ADGRL3: variants seen among roughly 807,000 people sequenced by gnomAD.
ADGRL3 encodes the protein calcium-independent alpha-latrotoxin receptor 3.
ADGRL3 carries 62 observed loss-of-function variants against 153.5 expected under a neutral mutation model. That is an observed-to-expected ratio of 0.40 (90% CI 0.33 to 0.50). The LOEUF (loss-of-function observed/expected upper bound fraction) is 0.50, where lower values mean the gene tolerates loss of function less well. Ranked by LOEUF, ADGRL3 falls within the 20% of genes least tolerant of loss-of-function variation. The probability of loss-of-function intolerance (pLI) is 0.47; values close to 1 mark genes in which losing one functional copy is unlikely to be tolerated. For synonymous variants in ADGRL3, 710 were observed against 672.5 expected (o/e 1.06, Z -0.86); for missense variants, 1,641 against 1,859.4 (o/e 0.88, Z 2.16).
intron 5 of ADGRL3, among the ~76,000 whole-genome samples, chr4:61,605,623 T>C (rs1477859887): frequency 6.6e-6 from 1 of 152,224 alleles, no homozygotes; most frequent in Non-Finnish European, 1.5e-5. Context: ...TAGTTCAAGA[T>C]CATTGATTTC....
chr4:61,819,405 T>C (rs1017615681), intron 9 of ADGRL3, among the ~76,000 whole-genome samples: 3 of 152,098 alleles, frequency 2.0e-5, no homozygotes, highest in Non-Finnish European at 2.9e-5. Flanking sequence ...TCTACTGTAA[T>C]TTCATACGTA....
intron 9 of ADGRL3, among the ~76,000 whole-genome samples, chr4:61,858,131 G>A (rs1016574943): frequency 2.6e-5 from 4 of 152,100 alleles, no homozygotes; most frequent in Non-Finnish European, 5.9e-5. Flanking sequence ...AGGATACAAA[G>A]GTAACATAAC....
Position 61,861,019 on chromosome 4 carries a change from A to G in ADGRL3, c.1481-31637A>G, listed in dbSNP as rs568807541. On this transcript the variant is annotated intron_variant, in intron 9 of 26. Coordinates refer to ENST00000683033, the MANE Select transcript of ADGRL3 (RefSeq NM_001387552.1). Reference sequence around the variant, plus strand: ...TTTGTGTCAAACTGAAGATTTCTACATAGTAAATATTGAAATCTATTTCCA... The same window carrying G: ...TTTGTGTCAAACTGAAGATTTCTACGTAGTAAATATTGAAATCTATTTCCA... Among the ~76,000 whole-genome samples, 21 of 152,342 alleles carry G rather than the reference A, an allele frequency of 1.4e-4. 1 individual carries two copies. The South Asian group carries it at 2.9e-3, about 21-fold the overall frequency.
At chr4:61,300,454 A>T (rs1022934377) in intron 1 of ADGRL3, among the ~76,000 whole-genome samples, 3 of 152,222 alleles carry the variant, frequency 2.0e-5, no homozygotes, top group Non-Finnish European at 4.4e-5. Context: ...AATATCCTTT[A>T]GATTGCTCTG....
chr4:61,719,911 A>C (rs1264208897), intron 6 of ADGRL3, among the ~76,000 whole-genome samples: 1 of 151,938 alleles, frequency 6.6e-6, no homozygotes, highest in Non-Finnish European at 1.5e-5. Context: ...CCCCTGTCAG[A>C]CATTACTGAC....
intron 25 of ADGRL3, among the ~76,000 whole-genome samples, chr4:62,045,113 G>A (rs568228800): frequency 2.0e-4 from 31 of 152,052 alleles, no homozygotes; most frequent in Non-Finnish European, 3.7e-4. Context: ...CTCCCTGGGT[G>A]GCATTTAGAT....
chr4:61,509,359 C>T (rs1357685724), intron 3 of ADGRL3, among the ~76,000 whole-genome samples: 1 of 152,014 alleles, frequency 6.6e-6, no homozygotes, highest in Non-Finnish European at 1.5e-5. Flanking sequence ...AACTCCTGAC[C>T]TCGGGTGATC....
chr4:61,231,098 GT>G, intron 1 of ADGRL3, among the ~76,000 whole-genome samples: 1 of 152,320 alleles, frequency 6.6e-6, no homozygotes, highest in South Asian at 2.1e-4. Context: ...CGGAAGTCCA[GT>G]TTTTTGGGAG....
intron 2 of ADGRL3, among the ~76,000 whole-genome samples, chr4:61,415,073 AT>A (rs1050862934): frequency 2.0e-5 from 3 of 151,904 alleles, no homozygotes; most frequent in African/African-American, 7.2e-5. Flanking sequence ...ACATTAGAAA[AT>A]AACTTTAGGT....
At chr4:61,901,052 G>A (rs994450497) in intron 11 of ADGRL3, among the ~76,000 whole-genome samples, 18 of 152,158 alleles carry the variant, frequency 1.2e-4, no homozygotes, top group Admixed American at 3.9e-4. Flanking sequence ...AATTTCACCC[G>A]TCTTTTTTCA....
intron 1 of ADGRL3, among the ~76,000 whole-genome samples, chr4:61,245,048 G>GT (rs1756499165): frequency 1.3e-5 from 2 of 152,142 alleles, no homozygotes; most frequent in African/African-American, 4.8e-5. Context: ...AAACTGGTGA[G>GT]TGGGTTGGGC....
At chr4:61,476,427 C>A (rs2098054334) in intron 2 of ADGRL3, among the ~76,000 whole-genome samples, 1 of 151,878 alleles carries the variant, frequency 6.6e-6, no homozygotes, top group Admixed American at 6.6e-5. Context: ...GGGTTTTGGC[C>A]AGGCGCTGTG....
chr4:61,659,521 A>C (rs759335713), intron 5 of ADGRL3, among the ~76,000 whole-genome samples: 1 of 152,162 alleles, frequency 6.6e-6, no homozygotes, highest in Non-Finnish European at 1.5e-5. Context: ...TTTGCTATTT[A>C]AAAAACAGGT....
chr4:61,245,868 T>C (rs1307593071), intron 1 of ADGRL3, among the ~76,000 whole-genome samples: 1 of 141,338 alleles, frequency 7.1e-6, no homozygotes, highest in East Asian at 2.2e-4. Flanking sequence ...GATAGGGCAA[T>C]AAAATACCTT....
intron 4 of ADGRL3, among the ~76,000 whole-genome samples, chr4:61,554,874 A>G (rs1340663048): frequency 2.0e-5 from 3 of 152,190 alleles, no homozygotes; most frequent in African/African-American, 4.8e-5. Context: ...ACTTAGACCC[A>G]GGGGCTTAAA....
chr4:61,588,368 T>C (rs1195191670), intron 5 of ADGRL3, among the ~76,000 whole-genome samples: 1 of 152,050 alleles, frequency 6.6e-6, no homozygotes, highest in Non-Finnish European at 1.5e-5. Flanking sequence ...AAGCCTTCCT[T>C]ATTTTTCACC....
intron 8 of ADGRL3, among the ~76,000 whole-genome samples, chr4:61,811,460 G>A (rs779585421): frequency 2.0e-5 from 3 of 152,054 alleles, no homozygotes; most frequent in Non-Finnish European, 4.4e-5. Context: ...AGGTAGATGA[G>A]TGGCTGCCTA....
intron 1 of ADGRL3, among the ~76,000 whole-genome samples, chr4:61,359,553 C>G (rs2096250635): frequency 6.6e-6 from 1 of 152,202 alleles, no homozygotes; most frequent in Admixed American, 6.5e-5. Context: ...CAGAAATGCT[C>G]TGAAATGCTC....
intron 1 of ADGRL3, among the ~76,000 whole-genome samples, chr4:61,261,079 C>T (rs1397326081): frequency 1.3e-5 from 2 of 151,926 alleles, no homozygotes; most frequent in African/African-American, 4.8e-5. Flanking sequence ...AAGGTGTAAC[C>T]TCAATCTCCA....
Sources: allele counts gnomAD v4.1 joint callset (sites outside exome capture counted in the v4.1 genomes callset), GRCh38; gene constraint gnomAD v4.1.1; transcripts MANE v1.5; gene names NCBI Gene and HGNC (gene_info 2026-07-23, HGNC 2026-07-21).